The following PLEKHA7 variants were observed in gnomAD, a reference collection of about 807,000 sequenced individuals.
The protein encoded by PLEKHA7 is pleckstrin homology domain containing A7.
A neutral mutation model predicts 170.0 loss-of-function variants in PLEKHA7; 104 were observed. The observed-to-expected ratio is 0.61, with a 90% confidence interval of 0.52 to 0.72. The LOEUF (loss-of-function observed/expected upper bound fraction) is 0.72. Among genes scored for constraint, PLEKHA7 ranks in the 30% least tolerant of loss-of-function variants. The probability of loss-of-function intolerance (pLI) is 0.00; values close to 1 mark genes in which losing one functional copy is unlikely to be tolerated. For synonymous variants in PLEKHA7, 648 were observed against 660.8 expected (o/e 0.98, Z 0.30); for missense variants, 1,615 against 1,671.7 (o/e 0.97, Z 0.59).
Position 16,791,950 on chromosome 11 carries a change from A to G in PLEKHA7, c.2746-751T>C, listed in dbSNP as rs1263285990. The stretch of plus-strand genomic sequence containing the variant: ...ACACCCACTCGCAGGACTAACGACC[A>G]TCATGCCTTCCACCTCCTAAATTCC... On this transcript the variant is annotated intron_variant, in intron 19 of 26. Transcript: ENST00000531066. The surrounding 1 kb of genome is among the most constrained non-coding windows in gnomAD (Gnocchi z 4.5). Among the ~76,000 whole-genome samples, 1 of 152,120 alleles carries G rather than the reference A, an allele frequency of 6.6e-6. No homozygotes were observed. The highest frequency in any genetic ancestry group is 2.4e-5 in the African/African-American group (1 of 41,430).
chr11:16,959,905 C>A (rs1861940880), intron 3 of PLEKHA7, among the ~76,000 whole-genome samples: 1 of 152,086 alleles, frequency 6.6e-6, no homozygotes, highest in African/African-American at 2.4e-5. Context: ...GCCTGCCTCC[C>A]CGGGCCAAGC....
intron 12 of PLEKHA7, among the ~76,000 whole-genome samples, chr11:16,813,472 A>G (rs1019377091): frequency 6.6e-6 from 1 of 152,082 alleles, no homozygotes; most frequent in African/African-American, 2.4e-5. Flanking sequence ...TGTGCTCCCA[A>G]GATAGACCTG....
intron 24 of PLEKHA7, 105 bp from the exon 25 acceptor site, chr11:16,783,938 CCA>C: frequency 8.6e-7 from 1 of 1,166,830 alleles, no homozygotes; most frequent in Non-Finnish European, 1.1e-6. Flanking sequence ...CAAGCAGAGT[CCA>C]CAGAGACTAA....
At position 16,817,121 on chromosome 11, in the gene PLEKHA7, G is replaced by A. The variant is rs1378769752; in HGVS notation, c.1545C>T (p.His515=). ...LKMSSEERRA[H]RDGTVWQLYE... is the part of the protein sequence containing the mutation. ...AGAGCTGCCACACGGTGCCATCCCG[G>A]TGCGCCCGGCGCTCTTCACTCGACA... Residue 515 remains histidine (H), a synonymous_variant, in exon 11 of 27, where the codon CAC becomes CAT. Transcript: ENST00000531066. The surrounding 1 kb of genome is among the most constrained non-coding windows in gnomAD (Gnocchi z 4.4). 1 of 1,614,178 alleles carries A rather than the reference G, an allele frequency of 6.2e-7. No individual in the cohort carries two copies. The highest frequency in any genetic ancestry group is 2.2e-5 in the East Asian group (1 of 44,878).
intron 3 of PLEKHA7, among the ~76,000 whole-genome samples, chr11:16,917,473 C>T (rs888113807): frequency 3.9e-5 from 6 of 152,206 alleles, no homozygotes; most frequent in African/African-American, 1.4e-4. Context: ...TCAGCAGAGC[C>T]GTGCTCCTCA....
intron 3 of PLEKHA7, among the ~76,000 whole-genome samples, chr11:16,915,577 T>G (rs1019237778): frequency 2.8e-5 from 4 of 144,936 alleles, no homozygotes; most frequent in African/African-American, 1.0e-4. Context: ...GTGCTCTCAT[T>G]GTTCAATTCC....
chr11:16,834,035 G>T (rs1285179196), intron 9 of PLEKHA7, among the ~76,000 whole-genome samples: 1 of 151,616 alleles, frequency 6.6e-6, no homozygotes, highest in African/African-American at 2.4e-5. Context: ...TTTCGAGATG[G>T]AGTCTTGCTC....
At chr11:16,964,664 G>A (rs1232180676) in intron 3 of PLEKHA7, among the ~76,000 whole-genome samples, 1 of 152,170 alleles carries the variant, frequency 6.6e-6, no homozygotes, top group Non-Finnish European at 1.5e-5. Context: ...GGGCTGGCTG[G>A]GCAGGGCCTT....
At chr11:16,827,829 T>TA (rs11358170) in intron 9 of PLEKHA7, among the ~76,000 whole-genome samples, 15,874 of 135,428 alleles carry the variant, frequency 0.12, 965 homozygotes, top group East Asian at 0.16. Context: ...ACTCCATGGT[T>TA]AAAAAAAAAA....
chr11:16,778,859 C>T lies in PLEKHA7; in HGVS notation c.*139G>A, dbSNP rs1848818298. 2.9e-6 allele frequency: 2 copies of T among 679,816 alleles called. No individual in the cohort carries two copies. The highest frequency in any genetic ancestry group is 2.0e-5 in the Admixed American group (1 of 48,948). The allele number at this position is 679,816 out of a possible 1,614,324, so 42.1% of individuals were successfully genotyped here. A position where few individuals can be genotyped will look rare whatever the true frequency, so the allele number is the denominator to read the frequency against. On this transcript the variant is annotated 3_prime_UTR_variant, in exon 27 of 27. Transcript: ENST00000531066. ...TAGGGCCTGGCCTGTGGTGAACACC[C>T]GCAGTCGGTAAGCTGCTCCTTCCTC... is the stretch of plus-strand genomic sequence containing the variant.
Position 17,006,641 on chromosome 11 carries a change from AG to A in PLEKHA7, c.221+7347del, listed in dbSNP as rs66726028. 3.3e-3 allele frequency among the ~76,000 whole-genome samples: 493 copies of A among 150,082 alleles called. 12 individuals carry two copies. The highest frequency in any genetic ancestry group is 0.01 in the African/African-American group (425 of 41,064). On this transcript the variant is annotated intron_variant, in intron 3 of 26. Transcript: ENST00000531066. ...GACTCAGTCTCAAAAAAAAAAAAAA[AG>A]GAAGATGATATATAAGTGAATCAAT...
intron 3 of PLEKHA7, among the ~76,000 whole-genome samples, chr11:16,932,560 C>T (rs1054527599): frequency 6.6e-6 from 1 of 152,196 alleles, no homozygotes; most frequent in Non-Finnish European, 1.5e-5. Context: ...GTTGGGATTA[C>T]AGGCATGAGC....
intron 26 of PLEKHA7, chr11:16,781,089 ACTC>A (rs1434582121): frequency 2.3e-6 from 2 of 851,578 alleles, no homozygotes; most frequent in Admixed American, 6.2e-5. Flanking sequence ...GGTGTGTTAG[ACTC>A]CTCATCAGCT....
intron 3 of PLEKHA7, among the ~76,000 whole-genome samples, chr11:16,922,682 C>A (rs1426089302): frequency 6.6e-6 from 1 of 152,186 alleles, no homozygotes; most frequent in Non-Finnish European, 1.5e-5. Context: ...ACCATCAGAG[C>A]ACCCTTCTCT....
intron 9 of PLEKHA7, among the ~76,000 whole-genome samples, chr11:16,831,664 G>C (rs1317428767): frequency 2.0e-5 from 3 of 152,200 alleles, no homozygotes; most frequent in Non-Finnish European, 4.4e-5. Context: ...AGAACCAGCT[G>C]GACCTAGATT....
chr11:16,826,408 A>C lies in PLEKHA7; in HGVS notation c.1055T>G (p.Leu352Arg). 4.3e-6 allele frequency: 7 copies of C among 1,614,210 alleles called. No homozygotes were observed. The highest frequency in any genetic ancestry group is 5.1e-6 in the Non-Finnish European group (6 of 1,180,038). ...GEQYRSQRDP[L>R]EGKRDRSKAR... is the part of the protein sequence containing the mutation. ...CTTGCTCCGGTCCCGCTTGCCCTCCAGTGGGTCCCTCTGGGAACGGTACTG... is the reference window on the plus strand; with the variant it reads ...CTTGCTCCGGTCCCGCTTGCCCTCCCGTGGGTCCCTCTGGGAACGGTACTG... The change falls in exon 10 of 27, where the codon CTG becomes CGG. Residue 352 changes from leucine (L) to arginine (R), a missense_variant. Coordinates refer to ENST00000531066, the MANE Select transcript of PLEKHA7 (RefSeq NM_001329630.2).
intron 13 of PLEKHA7, among the ~76,000 whole-genome samples, chr11:16,805,588 A>G (rs776990223): frequency 7.9e-5 from 12 of 151,822 alleles, no homozygotes; most frequent in Non-Finnish European, 1.0e-4. Flanking sequence ...TCAGGAGTTC[A>G]AGATCAGTCT....
At chr11:16,931,755 T>TCCC (rs11318824) in intron 3 of PLEKHA7, among the ~76,000 whole-genome samples, 1 of 124,680 alleles carries the variant, frequency 8.0e-6, no homozygotes, top group African/African-American at 3.4e-5. Flanking sequence ...TGAGATTCCA[T>TCCC]CCCCCCCCCC....
chr11:16,969,990 G>C (rs1333089247), intron 3 of PLEKHA7, among the ~76,000 whole-genome samples: 1 of 152,182 alleles, frequency 6.6e-6, no homozygotes, highest in Non-Finnish European at 1.5e-5. Flanking sequence ...TAAACTAAAA[G>C]CCAAGTTTCA....
Sources: allele counts gnomAD v4.1 joint callset (sites outside exome capture counted in the v4.1 genomes callset), GRCh38; gene constraint gnomAD v4.1.1; non-coding constraint Gnocchi (gnomAD v3.1); transcripts MANE v1.5; gene names NCBI Gene and HGNC (gene_info 2026-07-23, HGNC 2026-07-21).